The following STXBP4 variants were observed in gnomAD, a reference collection of about 807,000 sequenced individuals.
The protein encoded by STXBP4 is syntaxin binding protein 4.
STXBP4 carries 55 observed loss-of-function variants against 76.1 expected under a neutral mutation model. That is an observed-to-expected ratio of 0.72 (90% confidence interval 0.58 to 0.91). The LOEUF (loss-of-function observed/expected upper bound fraction) is 0.91, where lower values mean the gene tolerates loss of function less well. STXBP4 is among the 40% of genes least tolerant of loss of function. STXBP4 has a pLI of 0.00. For synonymous variants in STXBP4, 201 were observed against 220.2 expected (o/e 0.91, Z 0.77); for missense variants, 618 against 636.9 (o/e 0.97, Z 0.32).
chr17:55,172,712 T>G lies in STXBP4; in HGVS notation c.*12801T>G, dbSNP rs925598497. The G allele has an allele frequency of 6.6e-6, 1 of 152,176 alleles. No individual in the cohort carries two copies. Among genetic ancestry groups the G allele is most frequent in the African/African-American group, 2.4e-5 (1 of 41,446 alleles). 9.4% of individuals were successfully genotyped at this position (152,176 alleles called of 1,614,324 possible). A position where few individuals can be genotyped will look rare whatever the true frequency, so the allele number is the denominator to read the frequency against. ...GCAAGCATTATTTCTAATTTGCATA[T>G]GAGAAAAAACTAAGGCTCGGATGAG... On this transcript the variant is annotated 3_prime_UTR_variant, in exon 18 of 18. Coordinates refer to ENST00000376352, the MANE Select transcript of STXBP4 (RefSeq NM_178509.6).
chr17:55,188,320 G>T, the STXBP4 span, among the ~76,000 whole-genome samples: 4 of 152,268 alleles, frequency 2.6e-5, no homozygotes, highest in African/African-American at 9.6e-5. Flanking sequence ...CTGAAAAGAA[G>T]AATTTAGACT....
intron 16 of STXBP4, among the ~76,000 whole-genome samples, chr17:55,094,702 C>T (rs990290335): frequency 2.4e-4 from 37 of 152,204 alleles, no homozygotes; most frequent in African/African-American, 8.9e-4. Context: ...CTGCACTAAT[C>T]AACTATTGGA....
At chr17:55,099,098 A>T (rs1378643460) in intron 16 of STXBP4, among the ~76,000 whole-genome samples, 2 of 152,242 alleles carry the variant, frequency 1.3e-5, no homozygotes, top group African/African-American at 4.8e-5. Flanking sequence ...GCCATATATT[A>T]ACAATGATTG....
At chr17:54,999,898 A>C in intron 6 of STXBP4, 56 bp downstream of exon 6, 1 of 1,139,004 alleles carries the variant, frequency 8.8e-7, no homozygotes, top group Non-Finnish European at 1.3e-6. Flanking sequence ...TTCCCTATAC[A>C]TTTTTACATT....
Position 54,990,954 on chromosome 17 carries a change from T to C in STXBP4, c.177T>C (p.Tyr59=), listed in dbSNP as rs1349056466. Reference sequence around the variant, plus strand: ...AAATTATTCCTGGAGGAGACTGTTATAAGGTAAAAATATGTCCCATGCCCA... The same window carrying C: ...AAATTATTCCTGGAGGAGACTGTTACAAGGTAAAAATATGTCCCATGCCCA... ...IQEIIPGGDC[Y]KDGRLKPGDQ... The change falls in exon 4 of 18, where the codon TAT becomes TAC. Residue 59 remains tyrosine, a synonymous_variant. Coordinates refer to ENST00000376352, the MANE Select transcript of STXBP4 (RefSeq NM_178509.6). The C allele has an allele frequency of 1.1e-5, 17 of 1,563,668 alleles. No homozygotes were observed. Among genetic ancestry groups the C allele is most frequent in the Admixed American group, 4.2e-5 (2 of 47,994 alleles).
At chr17:55,198,279 T>C in the STXBP4 span, among the ~76,000 whole-genome samples, 15 of 152,228 alleles carry the variant, frequency 9.9e-5, no homozygotes, top group African/African-American at 3.6e-4. Context: ...GGGAGTAGCC[T>C]CTGGTCCTTT....
At chr17:55,204,926 C>T in the STXBP4 span, among the ~76,000 whole-genome samples, 1 of 152,022 alleles carries the variant, frequency 6.6e-6, no homozygotes, top group African/African-American at 2.4e-5. Flanking sequence ...CTTGGCAGTT[C>T]TCCAATACCT....
intron 16 of STXBP4, among the ~76,000 whole-genome samples, chr17:55,099,562 A>T (rs1418264543): frequency 6.6e-6 from 1 of 152,228 alleles, no homozygotes; most frequent in African/African-American, 2.4e-5. Flanking sequence ...CAGCAAAAAT[A>T]CAGTATTATT....
At chr17:54,991,760 A>T (rs1408853618) in intron 4 of STXBP4, 1 of 150,428 alleles carries the variant, frequency 6.6e-6, no homozygotes, top group Non-Finnish European at 1.5e-5. Context: ...CATTTGATTG[A>T]CTCCATTTGA....
intron 17 of STXBP4, among the ~76,000 whole-genome samples, chr17:55,147,125 G>A (rs916903313): frequency 3.3e-5 from 5 of 152,146 alleles, no homozygotes; most frequent in Non-Finnish European, 7.4e-5. Context: ...ATACAAAATT[G>A]TCTCTGTCCA....
chr17:55,008,432 A>T (rs547786282), intron 8 of STXBP4, among the ~76,000 whole-genome samples: 24 of 152,296 alleles, frequency 1.6e-4, no homozygotes, highest in Non-Finnish European at 3.1e-4. Flanking sequence ...ATTCTAACTC[A>T]CATAGGGGAG....
intron 16 of STXBP4, among the ~76,000 whole-genome samples, chr17:55,113,944 C>T (rs954708957): frequency 5.9e-5 from 9 of 152,088 alleles, no homozygotes; most frequent in African/African-American, 2.2e-4. Flanking sequence ...TCAACATAAT[C>T]TTTGCGACTT....
intron 8 of STXBP4, among the ~76,000 whole-genome samples, chr17:55,022,691 G>C (rs770371190): frequency 1.1e-4 from 17 of 152,136 alleles, no homozygotes; most frequent in Admixed American, 2.6e-4. Context: ...TGAAGCGTGA[G>C]AATTATGGTG....
the STXBP4 span, among the ~76,000 whole-genome samples, chr17:55,199,620 T>C: frequency 6.6e-6 from 1 of 152,234 alleles, no homozygotes; most frequent in East Asian, 1.9e-4. Flanking sequence ...CAGATTTCCC[T>C]GAGTGGTAAT....
chr17:55,195,957 C>G, the STXBP4 span, among the ~76,000 whole-genome samples: 1 of 152,168 alleles, frequency 6.6e-6, no homozygotes, highest in Admixed American at 6.5e-5. Flanking sequence ...TCCCCAATAT[C>G]CTGTATGTCC....
At chr17:55,178,974 G>T in the STXBP4 span, among the ~76,000 whole-genome samples, 1 of 152,214 alleles carries the variant, frequency 6.6e-6, no homozygotes, top group South Asian at 2.1e-4. Context: ...TAGGATATCT[G>T]GGCACTCTGT....
rs1277317518 is a variant in STXBP4 at position 55,165,364 on chromosome 17, A to C, written c.*5453A>C. The C allele has an allele frequency of 6.6e-6, 1 of 152,180 alleles. No individual in the cohort carries two copies. The highest frequency in any genetic ancestry group is 1.5e-5 in the Non-Finnish European group (1 of 68,062). 9.4% of individuals were successfully genotyped at this position (152,180 alleles called of 1,614,324 possible). The stretch of plus-strand genomic sequence containing the variant: ...AAGTTCCAGGGAGCAGCAAAACCTC[A>C]ATTACATTTGTCCCCTAGAATGGAA... On this transcript the variant is annotated 3_prime_UTR_variant, in exon 18 of 18. Transcript: ENST00000376352.
chr17:55,135,139 T>C (rs1267370961), intron 16 of STXBP4, among the ~76,000 whole-genome samples: 1 of 152,146 alleles, frequency 6.6e-6, no homozygotes, highest in Non-Finnish European at 1.5e-5. Context: ...GTGTAGTATA[T>C]GTTGGCAAAA....
intron 4 of STXBP4, among the ~76,000 whole-genome samples, chr17:54,996,057 T>A (rs1379082253): frequency 6.6e-6 from 1 of 151,888 alleles, no homozygotes; most frequent in Non-Finnish European, 1.5e-5. Context: ...AAAGCAGATA[T>A]GTAAACATAA....
Sources: gnomAD v4.1 joint callset for allele counts (sites outside exome capture counted in the v4.1 genomes callset) on GRCh38, gnomAD v4.1.1 for gene constraint, MANE v1.5 for transcripts, NCBI Gene and HGNC (gene_info 2026-07-23, HGNC 2026-07-21) for gene names.